The following NCOA3 variants were observed in gnomAD, a reference collection of about 807,000 sequenced individuals.
The protein encoded by NCOA3 is CBP-interacting protein.
NCOA3 carries 51 observed loss-of-function variants against 158.8 expected under a neutral mutation model. The observed-to-expected ratio is 0.32, with a 90% confidence interval of 0.26 to 0.41. NCOA3 has a LOEUF of 0.41. NCOA3 is among the 10% of genes least tolerant of loss of function. NCOA3 has a pLI of 1.00. For missense variants in NCOA3, 1,510 were observed against 1,746.6 expected (o/e 0.86, Z 2.41); for synonymous variants, 537 against 592.4 (o/e 0.91, Z 1.36).
At chr20:47,649,828 GCTTTTTGGAGATGA>G (rs2086752213) in intron 19 of NCOA3, among the ~76,000 whole-genome samples, 2 of 152,048 alleles carry the variant, frequency 1.3e-5, no homozygotes, top group Non-Finnish European at 2.9e-5. Flanking sequence ...ATAAAAGCTT[GCTTTTTGGAGATGA>G]CCCGTAGCTA....
chr20:47,521,190 T>G (rs978500644), intron 1 of NCOA3, among the ~76,000 whole-genome samples: 1 of 152,104 alleles, frequency 6.6e-6, no homozygotes, highest in Non-Finnish European at 1.5e-5. Context: ...GGGTCCTGAT[T>G]TGTCACCCCT....
Position 47,574,188 on chromosome 20 carries a change from T to C in NCOA3, c.-98-8995T>C, listed in dbSNP as rs375739362. Among the ~76,000 whole-genome samples the C allele has an allele frequency of 2.2e-4, 34 of 152,292 alleles. No homozygotes were observed. In the East Asian group the frequency reaches 3.5e-3, roughly 16 times the overall value. ...CATACAACCGCTAAAAATACAGCAG[T>C]GCCTTGCTGCTGCTCTGTCTCTGTG... On this transcript the variant is annotated intron_variant, in intron 1 of 22. Coordinates refer to ENST00000371998, the MANE Select transcript of NCOA3 (RefSeq NM_181659.3).
intron 2 of NCOA3, among the ~76,000 whole-genome samples, chr20:47,593,731 G>A (rs1206105124): frequency 6.6e-6 from 1 of 152,080 alleles, no homozygotes; most frequent in Non-Finnish European, 1.5e-5. Context: ...TTTGGTAAAG[G>A]AATGAAAGCA....
chr20:47,592,244 C>T (rs2085655830), intron 2 of NCOA3, among the ~76,000 whole-genome samples: 1 of 152,130 alleles, frequency 6.6e-6, no homozygotes, highest in African/African-American at 2.4e-5. Flanking sequence ...GGGGTTTTGC[C>T]ATGTTGGCCA....
intron 1 of NCOA3, among the ~76,000 whole-genome samples, chr20:47,520,572 C>G (rs1402476287): frequency 1.3e-5 from 2 of 152,214 alleles, no homozygotes; most frequent in Non-Finnish European, 2.9e-5. Context: ...GGTGTCTTGT[C>G]TTGGCTTTCC....
In NCOA3 at chr20:47,636,131, G is replaced by T. The variant is rs2086511263; in HGVS notation, c.1745G>T (p.Ser582Ile). The stretch of plus-strand genomic sequence containing the variant: ...TATTGCGACCAAAATCCAGTGGAGA[G>T]TTCAATGTGTCAGTCAAATAGCAGA... ...GFYCDQNPVE[S>I]SMCQSNSRDH... Residue 582 changes from serine to isoleucine, a missense_variant, in exon 12 of 23, where the codon AGT (serine) becomes ATT (isoleucine). Around this residue, in one of 4 missense-constraint regions of NCOA3, gnomAD observed 1,017 missense variants for 1,098.3 expected, o/e 0.93. Transcript: ENST00000371998. The T allele has an allele frequency of 6.2e-7, 1 of 1,614,090 alleles. No homozygotes were observed. The highest frequency in any genetic ancestry group is 8.5e-7 in the Non-Finnish European group (1 of 1,180,052).
chr20:47,619,781 T>C (rs535645162), intron 2 of NCOA3, among the ~76,000 whole-genome samples: 3 of 152,176 alleles, frequency 2.0e-5, no homozygotes, highest in African/African-American at 7.2e-5. Context: ...ACTTAAGGAA[T>C]GGAATCACTA....
chr20:47,628,082 A>C, intron 8 of NCOA3, 59 bp downstream of exon 8: 2 of 1,222,810 alleles, frequency 1.6e-6, no homozygotes, highest in South Asian at 2.5e-5. Flanking sequence ...TTTATTTTGG[A>C]AATTTTTGTA....
At chr20:47,619,889 G>A (rs1229609125) in intron 2 of NCOA3, among the ~76,000 whole-genome samples, 4 of 150,994 alleles carry the variant, frequency 2.6e-5, no homozygotes, top group African/African-American at 4.9e-5. Context: ...TCCGCCTTCC[G>A]GGTTCATGCG....
At chr20:47,551,529 CATATTTTG>C (rs1250510733) in intron 1 of NCOA3, among the ~76,000 whole-genome samples, 6 of 152,078 alleles carry the variant, frequency 3.9e-5, no homozygotes, top group Non-Finnish European at 7.4e-5. Flanking sequence ...ATTACAAATG[CATATTTTG>C]TATTTGAAAT....
rs2146322692 is a variant in NCOA3, at chr20:47,636,607, C to G, written c.2221C>G (p.Leu741Val). The G allele has an allele frequency of 6.2e-7, 1 of 1,614,190 alleles. No individual in the cohort carries two copies. Among genetic ancestry groups the G allele is most frequent in the Non-Finnish European group, 8.5e-7 (1 of 1,180,036 alleles). ...KKENNALLRY[L>V]LDRDDPSDAL... ...GGAGAATAATGCACTTCTTAGATAC[C>G]TGCTGGACAGGGATGATCCTAGTGA... Residue 741 changes from leucine to valine, a missense_variant, in exon 12 of 23, where the codon CTG (leucine) becomes GTG (valine). Coordinates refer to ENST00000371998, the MANE Select transcript of NCOA3 (RefSeq NM_181659.3).
chr20:47,598,245 T>TC lies in NCOA3; in HGVS notation c.-20+14985dup, dbSNP rs1175754615. 2.5e-4 allele frequency among the ~76,000 whole-genome samples: 12 copies of TC among 48,954 alleles called. No individual in the cohort carries two copies. In the East Asian group the frequency reaches 6.0e-3, roughly 24 times the overall value. The allele number at this position is 48,954 out of a possible 152,430, so 32.1% of individuals were successfully genotyped here. ...CTGGGCGATAGGGCGAGACTCTGTCTCAAAAAAAAAAAAAAAAAAAAGAAC... is the reference window on the plus strand; with the variant it reads ...CTGGGCGATAGGGCGAGACTCTGTCTCCAAAAAAAAAAAAAAAAAAAAGAAC... On this transcript the variant is annotated intron_variant, in intron 2 of 22. Coordinates refer to ENST00000371998, the MANE Select transcript of NCOA3 (RefSeq NM_181659.3).
chr20:47,639,259 C>T lies in NCOA3; in HGVS notation c.2707+57C>T. ...TTTTGGGAAAAGCATATTTAAAATA[C>T]TTAAAGCCATCTAAATAATTGGGAG... On this transcript the variant is annotated intron_variant, in intron 14 of 22. Coordinates refer to ENST00000371998, the MANE Select transcript of NCOA3 (RefSeq NM_181659.3). 4 of 1,394,636 alleles carry T rather than the reference C, an allele frequency of 2.9e-6. No individual in the cohort carries two copies. In the South Asian group the frequency reaches 3.8e-5, roughly 13 times the overall value. 86.4% of individuals were successfully genotyped at this position (1,394,636 alleles called of 1,614,324 possible). A position where few individuals can be genotyped will look rare whatever the true frequency, so the allele number is the denominator to read the frequency against.
intron 19 of NCOA3, among the ~76,000 whole-genome samples, chr20:47,650,225 G>C (rs924425249): frequency 6.9e-6 from 1 of 145,166 alleles, no homozygotes; most frequent in Non-Finnish European, 1.5e-5. Context: ...CTCTTCTTCA[G>C]TTCTCCCTCC....
At chr20:47,538,996 G>A (rs1029198143) in intron 1 of NCOA3, among the ~76,000 whole-genome samples, 2 of 152,230 alleles carry the variant, frequency 1.3e-5, no homozygotes, top group Admixed American at 6.5e-5. Context: ...AAACTTGGAT[G>A]AATTGATTTC....
chr20:47,570,032 C>T (rs1449272163), intron 1 of NCOA3, among the ~76,000 whole-genome samples: 5 of 151,730 alleles, frequency 3.3e-5, no homozygotes, highest in Non-Finnish European at 5.9e-5. Flanking sequence ...AAAAAAAAAA[C>T]CCTGCGGCTC....
At chr20:47,549,079 C>T (rs7262094) in intron 1 of NCOA3, among the ~76,000 whole-genome samples, 20,507 of 151,832 alleles carry the variant, frequency 0.14, 1,995 homozygotes, top group African/African-American at 0.26. Context: ...GGTCTCACCA[C>T]GTTGCCTAGG....
chr20:47,516,397 G>A (rs1284958853), intron 1 of NCOA3, among the ~76,000 whole-genome samples: 1 of 152,048 alleles, frequency 6.6e-6, no homozygotes, highest in Non-Finnish European at 1.5e-5. Flanking sequence ...CCCAGGAATA[G>A]GAACTGAAAT....
intron 17 of NCOA3, among the ~76,000 whole-genome samples, chr20:47,646,796 G>A (rs1032468814): frequency 6.6e-6 from 1 of 152,140 alleles, no homozygotes; most frequent in Non-Finnish European, 1.5e-5. Flanking sequence ...CTGTGGATGA[G>A]AAAATAAAGG....
Sources: gnomAD v4.1 joint callset for allele counts (sites outside exome capture counted in the v4.1 genomes callset) on GRCh38, gnomAD v4.1.1 for gene constraint, gnomAD v4.1.1 regional missense constraint, MANE v1.5 for transcripts, NCBI Gene and HGNC (gene_info 2026-07-23, HGNC 2026-07-21) for gene names.